The following GNA14 variants were observed in gnomAD, a reference collection of about 807,000 sequenced individuals.
GNA14 encodes the protein G protein subunit alpha 14.
Under a neutral mutation model 42.0 loss-of-function variants are expected in GNA14, and 50 were observed. That is an observed-to-expected ratio of 1.19 (90% CI 0.95 to 1.51). GNA14 has a LOEUF of 1.51. GNA14 is among the 40% of genes most tolerant of loss of function. The pLI, the probability that GNA14 is intolerant of heterozygous loss-of-function variation, is 0.00. For synonymous variants in GNA14, 173 were observed against 163.1 expected, an observed-to-expected ratio of 1.06 and a Z score of -0.46; for missense variants, 473 against 446.2, an observed-to-expected ratio of 1.06 and a Z score of -0.54.
At chr9:77,522,924 C>T (rs143381470) in intron 2 of GNA14, among the ~76,000 whole-genome samples, 123 of 152,304 alleles carry the variant, frequency 8.1e-4, no homozygotes, top group African/African-American at 2.1e-3. Context: ...AAACAAAATT[C>T]GCAGAGGCCT....
At chr9:77,643,355 T>A (rs184805339) in intron 1 of GNA14, among the ~76,000 whole-genome samples, 1 of 151,776 alleles carries the variant, frequency 6.6e-6, no homozygotes, top group East Asian at 2.0e-4. Context: ...TTATCTTGCC[T>A]CAACCTCCTG....
chr9:77,424,203 C>T (rs752470131), intron 6 of GNA14, 34 bp from the exon 7 acceptor site: 1 of 1,461,754 alleles, frequency 6.8e-7, no homozygotes, highest in South Asian at 1.2e-5. Flanking sequence ...AATAAAGACA[C>T]AGACTTAACA....
intron 1 of GNA14, among the ~76,000 whole-genome samples, chr9:77,531,422 C>G (rs986394490): frequency 1.3e-5 from 2 of 152,146 alleles, no homozygotes; most frequent in African/African-American, 4.8e-5. Context: ...TGTAGAAAGA[C>G]CTTATACTGT....
Position 77,647,729 on chromosome 9 carries a change from T to C in GNA14, c.65A>G (p.Glu22Gly), listed in dbSNP as rs775163253. The C allele has an allele frequency of 5.6e-6, 9 of 1,610,048 alleles. No homozygotes were observed. The highest frequency in any genetic ancestry group is 1.7e-4 in the Middle Eastern group (1 of 6,058). ...KESQRISAEI[E>G]RQLRRDKKDA... is the part of the protein sequence containing the mutation. ...CTTCTTGTCCCGACGAAGCTGTCGC[T>C]CGATCTCCGCGCTGATGCGCTGCGA... The change falls in exon 1 of 7, where the codon GAG becomes GGG. Residue 22 changes from glutamate to glycine, a missense_variant. Transcript: ENST00000341700.
chr9:77,581,500 A>G (rs1335807822), intron 1 of GNA14, among the ~76,000 whole-genome samples: 1 of 152,184 alleles, frequency 6.6e-6, no homozygotes, highest in African/African-American at 2.4e-5. Context: ...CTGCTATGAC[A>G]TGTTTTCTGC....
intron 2 of GNA14, among the ~76,000 whole-genome samples, chr9:77,487,938 G>A (rs988398274): frequency 2.6e-5 from 4 of 152,030 alleles, no homozygotes; most frequent in South Asian, 2.1e-4. Flanking sequence ...TTGGGCACTG[G>A]AGCCAGTTTA....
chr9:77,486,461 T>C (rs1836661438), intron 2 of GNA14, among the ~76,000 whole-genome samples: 1 of 152,252 alleles, frequency 6.6e-6, no homozygotes, highest in Non-Finnish European at 1.5e-5. Context: ...CATTTGTGTA[T>C]TCACTAGAGT....
chr9:77,622,507 G>A (rs756175407), intron 1 of GNA14, among the ~76,000 whole-genome samples: 1 of 152,082 alleles, frequency 6.6e-6, no homozygotes, highest in Non-Finnish European at 1.5e-5. Context: ...GGTGGCTCAT[G>A]CTTGTAATCC....
At chr9:77,578,412 G>A (rs575221871) in intron 1 of GNA14, among the ~76,000 whole-genome samples, 15 of 152,198 alleles carry the variant, frequency 9.9e-5, no homozygotes, top group African/African-American at 3.1e-4. Context: ...TATATCTAGG[G>A]CCAATGACAG....
At chr9:77,454,071 C>G (rs1314730660) in intron 2 of GNA14, among the ~76,000 whole-genome samples, 1 of 152,238 alleles carries the variant, frequency 6.6e-6, no homozygotes, top group East Asian at 1.9e-4. Context: ...CGTGCAGCAT[C>G]CGATCTCTTC....
chr9:77,480,130 G>C (rs1243675905), intron 2 of GNA14, among the ~76,000 whole-genome samples: 1 of 152,100 alleles, frequency 6.6e-6, no homozygotes, highest in South Asian at 2.1e-4. Context: ...TCTTGTGCCA[G>C]TTTTCAAAGG....
chr9:77,578,934 T>C (rs1208393381), intron 1 of GNA14, among the ~76,000 whole-genome samples: 1 of 152,190 alleles, frequency 6.6e-6, no homozygotes, highest in Non-Finnish European at 1.5e-5. Context: ...CACAGACTTG[T>C]GGGCCTAACC....
chr9:77,480,793 G>A (rs970657121), intron 2 of GNA14, among the ~76,000 whole-genome samples: 6 of 152,116 alleles, frequency 3.9e-5, no homozygotes, highest in Non-Finnish European at 8.8e-5. Context: ...TATGTGTTGA[G>A]GAATTTATCC....
At chr9:77,623,297 TAAAA>T (rs1320650657) in intron 1 of GNA14, among the ~76,000 whole-genome samples, 1 of 57,648 alleles carries the variant, frequency 1.7e-5, no homozygotes, top group Non-Finnish European at 4.9e-5. Flanking sequence ...AAAACTGGAA[TAAAA>T]AAAATAAGTG....
At chr9:77,502,332 T>G (rs1255175543) in intron 2 of GNA14, among the ~76,000 whole-genome samples, 1 of 152,238 alleles carries the variant, frequency 6.6e-6, no homozygotes, top group Non-Finnish European at 1.5e-5. Flanking sequence ...ATACTTGGTA[T>G]AGTCACTTTC....
At chr9:77,493,327 T>C (rs1836818505) in intron 2 of GNA14, among the ~76,000 whole-genome samples, 1 of 152,124 alleles carries the variant, frequency 6.6e-6, no homozygotes, top group African/African-American at 2.4e-5. Flanking sequence ...TCAAAGGCTT[T>C]AGGTGCTGCT....
intron 2 of GNA14, among the ~76,000 whole-genome samples, chr9:77,507,965 G>A (rs973652710): frequency 4.6e-5 from 7 of 152,044 alleles, no homozygotes; most frequent in African/African-American, 1.4e-4. Context: ...TGATCCACCC[G>A]CCTCGGCCTC....
chr9:77,502,589 G>A (rs767205168), intron 2 of GNA14, among the ~76,000 whole-genome samples: 2 of 152,126 alleles, frequency 1.3e-5, no homozygotes. Flanking sequence ...CTGTGCCACG[G>A]TTGGGGTGGC....
At chr9:77,619,916 C>G (rs1279268612) in intron 1 of GNA14, among the ~76,000 whole-genome samples, 1 of 152,094 alleles carries the variant, frequency 6.6e-6, no homozygotes, top group Non-Finnish European at 1.5e-5. Context: ...CCTGACAAAC[C>G]TGTTTTGATA....
Sources: gnomAD v4.1 joint callset for allele counts (sites outside exome capture counted in the v4.1 genomes callset) on GRCh38, gnomAD v4.1.1 for gene constraint, MANE v1.5 for transcripts, NCBI Gene and HGNC (gene_info 2026-07-23, HGNC 2026-07-21) for gene names.